Variants in NBEA observed in about 807,000 individuals in gnomAD.
NBEA encodes the protein lysosomal-trafficking regulator 2.
NBEA carries 44 observed loss-of-function variants against 343.4 expected under a neutral mutation model. That is an observed-to-expected ratio of 0.13 (90% CI 0.10 to 0.16). NBEA has a LOEUF of 0.16. NBEA is among the 10% of genes least tolerant of loss of function. The pLI, the probability that NBEA is intolerant of heterozygous loss-of-function variation, is 1.00. For missense variants in NBEA, 2,555 were observed against 3,631.3 expected, an observed-to-expected ratio of 0.70 and a Z score of 7.62; for synonymous variants, 1,175 against 1,238.7, an observed-to-expected ratio of 0.95 and a Z score of 1.08.
chr13:35,492,800 C>T (rs1398173806), intron 41 of NBEA, among the ~76,000 whole-genome samples: 1 of 151,772 alleles, frequency 6.6e-6, no homozygotes, highest in Non-Finnish European at 1.5e-5. Context: ...GCACTTAAAG[C>T]ACTGGGACTG....
chr13:35,021,793 T>C (rs887464338), intron 1 of NBEA, among the ~76,000 whole-genome samples: 4 of 152,310 alleles, frequency 2.6e-5, no homozygotes, highest in Non-Finnish European at 5.9e-5. Flanking sequence ...TGTTACTGTT[T>C]TTATTTCTAC....
intron 33 of NBEA, among the ~76,000 whole-genome samples, chr13:35,212,230 T>A (rs1251680720): frequency 2.6e-5 from 4 of 152,206 alleles, no homozygotes; most frequent in Non-Finnish European, 5.9e-5. Flanking sequence ...AGTTTTGTCC[T>A]TTTTGAATTT....
chr13:35,410,997 G>A (rs931458490), intron 38 of NBEA, among the ~76,000 whole-genome samples: 1 of 152,162 alleles, frequency 6.6e-6, no homozygotes, highest in Non-Finnish European at 1.5e-5. Context: ...CAGAAAGTCA[G>A]CAAGCATAAT....
At chr13:35,669,141 A>G (rs2085490723) in intron 58 of NBEA, among the ~76,000 whole-genome samples, 1 of 152,146 alleles carries the variant, frequency 6.6e-6, no homozygotes, top group South Asian at 2.1e-4. Flanking sequence ...ATTAATAATG[A>G]TTTTCCATTG....
Position 35,555,631 on chromosome 13 carries a change from T to C in NBEA, c.6922+529T>C, listed in dbSNP as rs148985637. Among the ~76,000 whole-genome samples the C allele has an allele frequency of 1.1e-3, 174 of 152,208 alleles. 2 individuals are homozygous for C. The highest frequency in any genetic ancestry group is 6.8e-3 in the Middle Eastern group (2 of 294). ...ATGCTTGCAAATCAAAAGGAGGTAGTGGCTTTGTTTTCTGCTAAATCAGTG... is the reference window on the plus strand; with the variant it reads ...ATGCTTGCAAATCAAAAGGAGGTAGCGGCTTTGTTTTCTGCTAAATCAGTG... On this transcript the variant is annotated intron_variant, in intron 44 of 58. Transcript: ENST00000379939.
intron 34 of NBEA, among the ~76,000 whole-genome samples, chr13:35,256,825 C>T (rs757639560): frequency 1.8e-4 from 28 of 152,224 alleles, no homozygotes; most frequent in Admixed American, 5.9e-4. Context: ...GCCCAGGCAG[C>T]GGGAGCAAAC....
In NBEA at chr13:35,539,666, C is replaced by G. The variant is rs1298452654; in HGVS notation, c.6586-10811C>G. On this transcript the variant is annotated intron_variant, in intron 41 of 58. Transcript: ENST00000379939. Reference sequence around the variant, plus strand: ...GCGGGGTGGCTCACGCCTGTAATACCAGCACTTTGGGAGGCTGAGGCGGGC... The same window carrying G: ...GCGGGGTGGCTCACGCCTGTAATACGAGCACTTTGGGAGGCTGAGGCGGGC... Among the ~76,000 whole-genome samples, 4 of 79,480 alleles carry G rather than the reference C, an allele frequency of 5.0e-5. No individual in the cohort carries two copies. In the East Asian group the frequency reaches 1.2e-3, roughly 24 times the overall value. 52.1% of individuals were successfully genotyped at this position (79,480 alleles called of 152,430 possible).
intron 47 of NBEA, among the ~76,000 whole-genome samples, chr13:35,595,828 C>T (rs2081768491): frequency 6.6e-6 from 1 of 152,078 alleles, no homozygotes; most frequent in Non-Finnish European, 1.5e-5. Flanking sequence ...TTGTATTAAA[C>T]AATGGAACTT....
At chr13:35,357,675 A>T (rs1320244095) in intron 38 of NBEA, among the ~76,000 whole-genome samples, 1 of 152,136 alleles carries the variant, frequency 6.6e-6, no homozygotes, top group Admixed American at 6.5e-5. Context: ...TATATGTACC[A>T]TATTTTCTTT....
intron 38 of NBEA, among the ~76,000 whole-genome samples, chr13:35,412,457 A>G (rs2043645288): frequency 6.6e-6 from 1 of 151,972 alleles, no homozygotes; most frequent in Non-Finnish European, 1.5e-5. Flanking sequence ...ACTTTGTCTC[A>G]CCTCTTTCCT....
chr13:35,584,218 A>C (rs556830680), intron 46 of NBEA, among the ~76,000 whole-genome samples, 180 bp downstream of exon 46: 2 of 152,312 alleles, frequency 1.3e-5, no homozygotes, highest in African/African-American at 4.8e-5. Context: ...CTCATTTGCA[A>C]AATTGGATTA....
At chr13:35,515,252 T>A (rs1444428656) in intron 41 of NBEA, among the ~76,000 whole-genome samples, 2 of 152,108 alleles carry the variant, frequency 1.3e-5, no homozygotes, top group African/African-American at 4.8e-5. Context: ...TGAGGAAGGG[T>A]GAAGCATTCA....
intron 24 of NBEA, among the ~76,000 whole-genome samples, chr13:35,168,756 A>G (rs112579236): frequency 0.034 from 5,182 of 151,462 alleles, 112 homozygotes; most frequent in African/African-American, 0.068. Flanking sequence ...GGGCAGAGTT[A>G]CTACAATAAA....
intron 17 of NBEA, among the ~76,000 whole-genome samples, chr13:35,133,142 C>G (rs548031187): frequency 6.6e-6 from 1 of 150,660 alleles, no homozygotes; most frequent in Non-Finnish European, 1.5e-5. Context: ...CCTAAACATA[C>G]GAAAAAAATT....
intron 41 of NBEA, among the ~76,000 whole-genome samples, chr13:35,549,695 C>T (rs1009870372): frequency 5.3e-5 from 8 of 152,140 alleles, no homozygotes; most frequent in African/African-American, 1.9e-4. Context: ...ATATATGACT[C>T]ATTTCATCAG....
intron 44 of NBEA, among the ~76,000 whole-genome samples, chr13:35,560,122 A>G (rs1203722181): frequency 1.0e-5 from 1 of 96,822 alleles, no homozygotes; most frequent in African/African-American, 3.0e-5. Context: ...CCCATTTTAC[A>G]GAGATGAGGT....
intron 36 of NBEA, among the ~76,000 whole-genome samples, chr13:35,336,160 G>A (rs1008616520): frequency 6.6e-6 from 1 of 151,984 alleles, no homozygotes; most frequent in Non-Finnish European, 1.5e-5. Context: ...TACAAAATTA[G>A]TTAAGAAAAA....
At chr13:35,157,699 T>C (rs554718352) in intron 21 of NBEA, among the ~76,000 whole-genome samples, 1 of 152,100 alleles carries the variant, frequency 6.6e-6, no homozygotes, top group East Asian at 1.9e-4. Context: ...AATTGCTTTA[T>C]CTTTTCTTTA....
At chr13:34,967,138 A>G (rs2059846964) in intron 1 of NBEA, among the ~76,000 whole-genome samples, 1 of 151,770 alleles carries the variant, frequency 6.6e-6, no homozygotes, top group African/African-American at 2.4e-5. Context: ...TTTTGGTGTT[A>G]GAAAGGTTTG....
Sources: gnomAD v4.1 joint callset for allele counts (sites outside exome capture counted in the v4.1 genomes callset) on GRCh38, gnomAD v4.1.1 for gene constraint, MANE v1.5 for transcripts, NCBI Gene and HGNC (gene_info 2026-07-23, HGNC 2026-07-21) for gene names.